The following CBARP variants were observed in gnomAD, a reference collection of about 807,000 sequenced individuals.
The protein encoded by CBARP is CACN subunit beta associated regulatory protein.
A neutral mutation model predicts 36.3 loss-of-function variants in CBARP; 24 were observed. The ratio of observed to expected loss-of-function variants is 0.66; its 90% CI spans 0.48 to 0.93. The LOEUF is 0.93. CBARP is among the 40% of genes least tolerant of loss of function. The pLI, the probability that CBARP is intolerant of heterozygous loss-of-function variation, is 0.00. For missense variants in CBARP, 1,146 were observed against 980.4 expected, an observed-to-expected ratio of 1.17 and a Z score of -2.26; for synonymous variants, 586 against 453.2, an observed-to-expected ratio of 1.29 and a Z score of -3.72.
intron 1 of CBARP, among the ~76,000 whole-genome samples, chr19:1,237,052 AG>A (rs1282985644): frequency 1.3e-4 from 20 of 151,948 alleles, no homozygotes; most frequent in Non-Finnish European, 2.8e-4. Flanking sequence ...CGGGAATCGC[AG>A]GGGGTCGGGG....
intron 4 of CBARP, 147 bp downstream of exon 4, chr19:1,235,354 G>T (rs1406106302): frequency 9.0e-7 from 1 of 1,106,740 alleles, no homozygotes; most frequent in African/African-American, 1.6e-5. Flanking sequence ...TGGGCGTTAA[G>T]GAAACAGAGA....
chr19:1,233,449 C>G lies in CBARP; in HGVS notation c.956G>C (p.Arg319Pro). The stretch of plus-strand genomic sequence containing the variant: ...ACCTCTCGTGTCCAGACTGGCTGCC[C>G]GCTGGCTGGGCTCCAGCTTCCACTT... ...VKKWKLEPSQ[R>P]AASLDTRGSP... Residue 319 changes from arginine to proline, a missense_variant, in exon 8 of 10, where the codon CGG becomes CCG. Physicochemically the swap from Arg to Pro is moderately radical, Grantham distance 103 (BLOSUM62 -2). Coordinates refer to ENST00000650044, the MANE Select transcript of CBARP (RefSeq NM_001393918.1). 6.3e-7 allele frequency: 1 copy of G among 1,595,792 alleles called. No individual in the cohort carries two copies. Among genetic ancestry groups the G allele is most frequent in the Non-Finnish European group, 8.5e-7 (1 of 1,171,552 alleles).
Position 1,229,711 on chromosome 19 carries a change from G to A in CBARP, c.1586C>T (p.Pro529Leu). The change falls in exon 10 of 10, where the codon CCG (proline) becomes CTG (leucine). Residue 529 changes from proline to leucine, a missense_variant. Physicochemically the swap from Pro to Leu is moderately conservative, Grantham distance 98. Transcript: ENST00000650044. The surrounding 1 kb of genome is among the most constrained non-coding windows in gnomAD (Gnocchi z 5.1). ...PPAAPARPRSPRAWPRRPRRD... is the reference protein window; with the variant it reads ...PPAAPARPRSLRAWPRRPRRD... ...GCGCGGGCGGCGGGGCCAGGCGCGC[G>A]GGCTGCGGGGCCGGGCGGGCGCGGC... The A allele has an allele frequency of 4.1e-6, 4 of 987,074 alleles. No homozygotes were observed. Among genetic ancestry groups the A allele is most frequent in the Non-Finnish European group, 4.8e-6 (4 of 831,294 alleles). The allele number at this position is 987,074 out of a possible 1,614,324, so 61.1% of individuals were successfully genotyped here.
At chr19:1,234,452 C>T (rs1047920248) in intron 6 of CBARP, 119 bp downstream of exon 6, 32 of 1,435,300 alleles carry the variant, frequency 2.2e-5, no homozygotes, top group East Asian at 2.5e-5. Context: ...CCACCCCACC[C>T]CGCCCATCCC....
chr19:1,233,816 A>G (rs1342916482), intron 7 of CBARP, among the ~76,000 whole-genome samples, 180 bp from the exon 8 acceptor site: 1 of 152,196 alleles, frequency 6.6e-6, no homozygotes, highest in Non-Finnish European at 1.5e-5. Context: ...TGGGTGGGCT[A>G]CACTAAGGTG....
intron 9 of CBARP, 67 bp from the exon 10 acceptor site, chr19:1,230,209 G>T (rs1351447777): frequency 2.0e-6 from 2 of 994,658 alleles, no homozygotes; most frequent in East Asian, 1.1e-4. Context: ...CGGCCATCCC[G>T]CCTCTGGATC....
At position 1,235,800 on chromosome 19, in the gene CBARP, T is replaced by C. The variant is rs759034569; in HGVS notation, c.224A>G (p.Asp75Gly). 5 of 1,608,518 alleles carry C rather than the reference T, an allele frequency of 3.1e-6. No individual in the cohort carries two copies. The highest frequency in any genetic ancestry group is 4.2e-6 in the Non-Finnish European group (5 of 1,179,878). Reference protein sequence around the residue: ...GVLLLCKRCWDVHQRLNRAME... With the variant: ...GVLLLCKRCWGVHQRLNRAME... ...GCACCTGTTGAGGCGCTGGTGGACG[T>C]CCCAGCAGCGCTTGCAGAGGAGCAG... The change falls in exon 3 of 10, where the codon GAC becomes GGC. Residue 75 changes from aspartate to glycine, a missense_variant. Physicochemically the swap from Asp to Gly is moderately conservative, Grantham distance 94. Coordinates refer to ENST00000650044, the MANE Select transcript of CBARP (RefSeq NM_001393918.1).
At chr19:1,232,152 C>A (rs1004357049) in intron 8 of CBARP, among the ~76,000 whole-genome samples, 8 of 152,100 alleles carry the variant, frequency 5.3e-5, no homozygotes, top group Non-Finnish European at 8.8e-5. Flanking sequence ...GTGGGCAGGC[C>A]CCAGCAAACA....
chr19:1,234,402 G>A, intron 6 of CBARP, 71 bp from the exon 7 acceptor site: 5 of 1,434,164 alleles, frequency 3.5e-6, no homozygotes, highest in South Asian at 1.5e-5. Flanking sequence ...AGGGACATGG[G>A]CAGGTGAGGA....
At chr19:1,236,999 G>C (rs981088455) in intron 1 of CBARP, among the ~76,000 whole-genome samples, 2 of 152,100 alleles carry the variant, frequency 1.3e-5, no homozygotes, top group Non-Finnish European at 2.9e-5. Context: ...ACCAGGGAAA[G>C]GAGCCGCCTG....
At chr19:1,236,862 G>A (rs1332730159) in intron 1 of CBARP, among the ~76,000 whole-genome samples, 4 of 144,306 alleles carry the variant, frequency 2.8e-5, no homozygotes, top group African/African-American at 1.0e-4. Context: ...GGGGGGGGGC[G>A]GCGGCCTCGG....
chr19:1,233,421 C>G lies in CBARP; in HGVS notation c.979+5G>C, dbSNP rs376791243. The stretch of plus-strand genomic sequence containing the variant: ...GCCCACTCTCCACCAGGTGCTACAG[C>G]TCACCTCTCGTGTCCAGACTGGCTG... On this transcript the variant is annotated splice_donor_5th_base_variant and intron_variant, in intron 8 of 9. Coordinates refer to ENST00000650044, the MANE Select transcript of CBARP (RefSeq NM_001393918.1). 1.1e-5 allele frequency: 17 copies of G among 1,581,668 alleles called. No individual in the cohort carries two copies. The highest frequency in any genetic ancestry group is 1.5e-5 in the Non-Finnish European group (17 of 1,163,586).
rs2080922411 is a variant in CBARP at position 1,233,574 on chromosome 19, C to T, written c.831G>A (p.Glu277=). Residue 277 remains glutamate, a synonymous_variant, in exon 8 of 10, where the codon GAG becomes GAA. Coordinates refer to ENST00000650044, the MANE Select transcript of CBARP (RefSeq NM_001393918.1). ...TACCTGCCCCGGATCCCGGGCCCGC[C>T]TCCCCAGGCCCTGCTGCAGCCCCGG... The part of the protein sequence containing the change: ...GGPGAAAGPG[E]AGPGSGAGTV... 3 of 1,610,598 alleles carry T rather than the reference C, an allele frequency of 1.9e-6. No individual in the cohort carries two copies. Among genetic ancestry groups the T allele is most frequent in the Admixed American group, 3.3e-5 (2 of 59,810 alleles).
chr19:1,235,341 G>A (rs991487335), intron 4 of CBARP, 160 bp downstream of exon 4: 16 of 1,061,842 alleles, frequency 1.5e-5, no homozygotes, highest in Admixed American at 9.4e-5. Flanking sequence ...GCCCACCTAC[G>A]CCTGGGCGTT....
rs955992625 is a variant in CBARP at position 1,230,461 on chromosome 19, G to A, written c.1155-319C>T. On this transcript the variant is annotated intron_variant, in intron 9 of 9. Transcript: ENST00000650044. ...GTCACGTTTTCCCAGCCTCCCAGTG[G>A]ACGTGGGAGCCGCAGGGGATGGACT... The A allele has an allele frequency of 4.0e-6, 4 of 996,206 alleles. No individual in the cohort carries two copies. In the African/African-American group the frequency reaches 6.9e-5, roughly 17 times the overall value. 61.7% of individuals were successfully genotyped at this position (996,206 alleles called of 1,614,324 possible). A position where few individuals can be genotyped will look rare whatever the true frequency, so the allele number is the denominator to read the frequency against.
At position 1,233,642 on chromosome 19, in the gene CBARP, A is replaced by C; in HGVS notation, c.769-6T>G. 1 of 1,605,572 alleles carries C rather than the reference A, an allele frequency of 6.2e-7. No homozygotes were observed. Among genetic ancestry groups the C allele is most frequent in the Non-Finnish European group, 8.5e-7 (1 of 1,176,862 alleles). ...CTCCTGGTACCGGCATCCAACTGGC[A>C]GGGAACAGAGATGGCGCTCAGGCTA... On this transcript the variant is annotated splice_region_variant and splice_polypyrimidine_tract_variant and intron_variant, in intron 7 of 9. Transcript: ENST00000650044.
In CBARP at chr19:1,230,054, G is replaced by T; in HGVS notation, c.1243C>A (p.Pro415Thr). Residue 415 changes from proline (P) to threonine (T), a missense_variant, in exon 10 of 10, where the codon CCG (proline) becomes ACG (threonine). Physicochemically the swap from Pro to Thr is conservative, Grantham distance 38. Coordinates refer to ENST00000650044, the MANE Select transcript of CBARP (RefSeq NM_001393918.1). ...CGCTCGGCGTCCGGCTCCAGTGGCG[G>T]CTGCTGCTGCTCAGGCCCCGCGCTG... ...AGSAGPEQQQ[P>T]PLEPDAERDA... 1 of 1,211,036 alleles carries T rather than the reference G, an allele frequency of 8.3e-7. No individual in the cohort carries two copies. Among genetic ancestry groups the T allele is most frequent in the South Asian group, 1.4e-5 (1 of 72,610 alleles). The allele number at this position is 1,211,036 out of a possible 1,614,324, so 75.0% of individuals were successfully genotyped here. A position where few individuals can be genotyped will look rare whatever the true frequency, so the allele number is the denominator to read the frequency against.
intron 8 of CBARP, 124 bp from the exon 9 acceptor site, chr19:1,231,399 C>CAAT: frequency 2.9e-6 from 4 of 1,359,268 alleles, no homozygotes; most frequent in South Asian, 1.4e-5. Context: ...CCACACACAA[C>CAAT]GCCTGTGGAC....
Position 1,237,827 on chromosome 19 carries a change from TCCGGCGC to T in CBARP, c.-100_-94del, listed in dbSNP as rs1197876402. ...CGGCTGCGTGGCGCTCGCGGCTGGC[TCCGGCGC>T]CCGGTGGCCGCGGAGCAGGCGGAGA... On this transcript the variant is annotated 5_prime_UTR_variant, in exon 1 of 10. Transcript: ENST00000650044. 2.7e-5 allele frequency: 4 copies of T among 148,136 alleles called. No homozygotes were observed. The East Asian group carries it at 5.9e-4, about 22-fold the overall frequency. 9.2% of individuals were successfully genotyped at this position (148,136 alleles called of 1,614,324 possible).
Sources: allele counts gnomAD v4.1 joint callset (sites outside exome capture counted in the v4.1 genomes callset), GRCh38; gene constraint gnomAD v4.1.1; non-coding constraint Gnocchi (gnomAD v3.1); transcripts MANE v1.5; gene names NCBI Gene and HGNC (gene_info 2026-07-23, HGNC 2026-07-21).